SNTG1: variants seen among roughly 807,000 people sequenced by gnomAD.
The protein encoded by SNTG1 is syntrophin gamma 1.
A neutral mutation model predicts 74.7 loss-of-function variants in SNTG1; 39 were observed. That is an observed-to-expected ratio of 0.52 (90% CI 0.40 to 0.68). The LOEUF (loss-of-function observed/expected upper bound fraction) is 0.68, where lower values mean the gene tolerates loss of function less well. SNTG1 is among the 30% of genes least tolerant of loss of function. SNTG1 has a pLI of 0.00. For synonymous variants in SNTG1, 254 were observed against 217.1 expected (o/e 1.17, Z -1.49); for missense variants, 685 against 609.5 (o/e 1.12, Z -1.30).
At chr8:50,124,939 A>G (rs1392959912) in intron 1 of SNTG1, among the ~76,000 whole-genome samples, 1 of 141,708 alleles carries the variant, frequency 7.1e-6, no homozygotes, top group African/African-American at 2.5e-5. Flanking sequence ...AGTTACTTGC[A>G]CTGAACATAT....
chr8:50,401,976 T>G (rs62517614), intron 3 of SNTG1, among the ~76,000 whole-genome samples: 27,139 of 152,166 alleles, frequency 0.18, 2,656 homozygotes, highest in Middle Eastern at 0.26. Flanking sequence ...TCCCCACTTC[T>G]TTGTGTGAAT....
rs1043315693 is a variant in SNTG1, at chr8:50,164,330, A to T, written c.-102-8231A>T. 1.1e-4 allele frequency: 16 copies of T among 152,216 alleles called. 1 individual carries two copies. The highest frequency in any genetic ancestry group is 1.2e-4 in the Non-Finnish European group (8 of 67,990). 9.4% of individuals were successfully genotyped at this position (152,216 alleles called of 1,614,324 possible). ...TGAACATGTTCTGTTCCAGTATCAA[A>T]TTCTGAAAGGGGACTGCTTTTTTCC... On this transcript the variant is annotated intron_variant, in intron 1 of 18. Coordinates refer to ENST00000642720, the MANE Select transcript of SNTG1 (RefSeq NM_018967.5).
At chr8:50,054,215 A>AT (rs1016326578) in intron 1 of SNTG1, among the ~76,000 whole-genome samples, 15 of 152,186 alleles carry the variant, frequency 9.9e-5, no homozygotes, top group African/African-American at 3.6e-4. Context: ...TCTTTCCCAA[A>AT]TGGGCTCCCT....
At chr8:50,596,096 A>G (rs1325780301) in intron 13 of SNTG1, among the ~76,000 whole-genome samples, 1 of 152,042 alleles carries the variant, frequency 6.6e-6, no homozygotes, top group Non-Finnish European at 1.5e-5. Flanking sequence ...CTAGCAGGGT[A>G]AAGATAATCT....
At chr8:50,435,555 G>A (rs981387514) in intron 4 of SNTG1, among the ~76,000 whole-genome samples, 1 of 152,002 alleles carries the variant, frequency 6.6e-6, no homozygotes, top group Non-Finnish European at 1.5e-5. Flanking sequence ...CAAACAACTG[G>A]GAATATATTA....
At chr8:50,102,084 T>G (rs976523859) in intron 1 of SNTG1, among the ~76,000 whole-genome samples, 1 of 152,026 alleles carries the variant, frequency 6.6e-6, no homozygotes, top group Non-Finnish European at 1.5e-5. Flanking sequence ...AGTAATGGAA[T>G]GGCTGGGTCA....
intron 2 of SNTG1, among the ~76,000 whole-genome samples, chr8:50,387,615 T>G (rs2131271913): frequency 6.6e-6 from 1 of 152,306 alleles, no homozygotes; most frequent in Admixed American, 6.5e-5. Context: ...CAATTTGACC[T>G]AGTCCAAATT....
In SNTG1 at chr8:49,912,080, A is replaced by T. The variant is rs1055620774; in HGVS notation, c.-254A>T. ...CATGGGCCGTGCGGTAGGGGTTGAA[A>T]TGCTCAAAGGTCCACACTTCTTGAA... On this transcript the variant is annotated 5_prime_UTR_variant, in exon 1 of 19. It removes an upstream start codon present in the reference 5' UTR. Coordinates refer to ENST00000642720, the MANE Select transcript of SNTG1 (RefSeq NM_018967.5). 5 of 152,246 alleles carry T rather than the reference A, an allele frequency of 3.3e-5. No homozygotes were observed. The highest frequency in any genetic ancestry group is 7.3e-5 in the Non-Finnish European group (5 of 68,084). 9.4% of individuals were successfully genotyped at this position (152,246 alleles called of 1,614,324 possible).
At chr8:50,247,958 G>A (rs1351055547) in intron 2 of SNTG1, among the ~76,000 whole-genome samples, 2 of 152,090 alleles carry the variant, frequency 1.3e-5, no homozygotes, top group African/African-American at 4.8e-5. Flanking sequence ...AGCTATGAAG[G>A]AAAGATCAGT....
intron 1 of SNTG1, among the ~76,000 whole-genome samples, chr8:50,103,532 C>T (rs75682135): frequency 1.1e-4 from 16 of 151,500 alleles, no homozygotes; most frequent in African/African-American, 2.9e-4. Context: ...TTCCTCTTTT[C>T]GTAATCGAAT....
chr8:50,017,100 G>A (rs576745646), intron 1 of SNTG1, among the ~76,000 whole-genome samples: 1 of 152,172 alleles, frequency 6.6e-6, no homozygotes, highest in South Asian at 2.1e-4. Flanking sequence ...TGAAATGCAA[G>A]GACAGTATAT....
intron 15 of SNTG1, among the ~76,000 whole-genome samples, chr8:50,677,016 A>G (rs1268618027): frequency 1.3e-5 from 2 of 151,970 alleles, no homozygotes; most frequent in African/African-American, 4.8e-5. Flanking sequence ...AAAATAAACC[A>G]ACATCTTATA....
At chr8:50,195,187 C>T (rs959452606) in intron 2 of SNTG1, among the ~76,000 whole-genome samples, 12 of 152,016 alleles carry the variant, frequency 7.9e-5, no homozygotes, top group Admixed American at 1.3e-4. Context: ...CTATGGCTGC[C>T]TCTGCTGAGT....
rs928960339 is a variant in SNTG1 at position 49,969,398 on chromosome 8, T to A, written c.-103+57167T>A. On this transcript the variant is annotated intron_variant, in intron 1 of 18. Coordinates refer to ENST00000642720, the MANE Select transcript of SNTG1 (RefSeq NM_018967.5). ...TTAATTCATTTAATCTTTTTTTTTTTTTTTTTTTTTTTTTTTGAAATGGAC... is the reference window on the plus strand; with the variant it reads ...TTAATTCATTTAATCTTTTTTTTTTATTTTTTTTTTTTTTTTGAAATGGAC... Among the ~76,000 whole-genome samples the A allele has an allele frequency of 4.0e-3, 542 of 136,428 alleles. 5 individuals carry two copies. Among genetic ancestry groups the A allele is most frequent in the Middle Eastern group, 7.2e-3 (2 of 276 alleles). The allele number at this position is 136,428 out of a possible 152,430, so 89.5% of individuals were successfully genotyped here. A position where few individuals can be genotyped will look rare whatever the true frequency, so the allele number is the denominator to read the frequency against.
At chr8:50,088,859 C>T (rs1823178517) in intron 1 of SNTG1, among the ~76,000 whole-genome samples, 1 of 148,356 alleles carries the variant, frequency 6.7e-6, no homozygotes, top group African/African-American at 2.4e-5. Context: ...CAATGCTATC[C>T]CCATCAGGCT....
At chr8:50,145,979 A>T (rs1009595759) in intron 1 of SNTG1, among the ~76,000 whole-genome samples, 2 of 151,890 alleles carry the variant, frequency 1.3e-5, no homozygotes, top group African/African-American at 4.8e-5. Context: ...TAATAAAAAA[A>T]AAAAGAATGT....
intron 17 of SNTG1, among the ~76,000 whole-genome samples, chr8:50,718,325 G>C (rs1310377460): frequency 6.6e-6 from 1 of 152,160 alleles, no homozygotes; most frequent in East Asian, 1.9e-4. Flanking sequence ...CCAAATCTGA[G>C]GAACTTTGGA....
intron 2 of SNTG1, among the ~76,000 whole-genome samples, chr8:50,359,885 C>T (rs79376895): frequency 0.047 from 7,218 of 152,086 alleles, 225 homozygotes; most frequent in Middle Eastern, 0.1. Context: ...TATTTTTTCA[C>T]TGTGATGCCT....
intron 2 of SNTG1, among the ~76,000 whole-genome samples, chr8:50,242,670 T>G (rs1054198873): frequency 6.6e-6 from 1 of 151,484 alleles, no homozygotes; most frequent in Admixed American, 6.6e-5. Flanking sequence ...CATTATCTAC[T>G]CTGTATCTTT....
Sources: allele counts gnomAD v4.1 joint callset (sites outside exome capture counted in the v4.1 genomes callset), GRCh38; gene constraint gnomAD v4.1.1; transcripts MANE v1.5; gene names NCBI Gene and HGNC (gene_info 2026-07-23, HGNC 2026-07-21).